GRIN2A: variants seen among roughly 807,000 people sequenced by gnomAD.
GRIN2A encodes the protein glutamate receptor ionotropic, NMDA 2A.
GRIN2A carries 22 observed loss-of-function variants against 113.4 expected under a neutral mutation model. That is an observed-to-expected ratio of 0.19 (90% CI 0.14 to 0.28). The LOEUF is 0.28. Ranked by LOEUF, GRIN2A falls within the 10% of genes least tolerant of loss-of-function variation. The pLI is 1.00. For missense variants in GRIN2A, 1,502 were observed against 1,887.0 expected (o/e 0.80, Z 3.78); for synonymous variants, 827 against 738.4 (o/e 1.12, Z -1.94).
At chr16:9,955,880 A>G (rs2141686736) in intron 2 of GRIN2A, among the ~76,000 whole-genome samples, 1 of 152,332 alleles carries the variant, frequency 6.6e-6, no homozygotes, top group African/African-American at 2.4e-5. Context: ...TCAACAAACC[A>G]GGAAACCCAT....
chr16:9,887,450 C>T (rs1018680287), intron 4 of GRIN2A, among the ~76,000 whole-genome samples: 7 of 152,128 alleles, frequency 4.6e-5, no homozygotes, highest in South Asian at 4.1e-4. Flanking sequence ...CATGTCTTCA[C>T]GTAATATAAT....
intron 2 of GRIN2A, among the ~76,000 whole-genome samples, chr16:10,043,804 T>C (rs992245300): frequency 6.6e-6 from 1 of 152,000 alleles, no homozygotes; most frequent in South Asian, 2.1e-4. Context: ...TGAGCCTAGA[T>C]ATTACAGCAT....
chr16:9,912,914 C>T (rs145298641), intron 3 of GRIN2A, among the ~76,000 whole-genome samples: 4 of 152,298 alleles, frequency 2.6e-5, no homozygotes, highest in African/African-American at 9.6e-5. Flanking sequence ...TTCAGCTGGA[C>T]CCAAATAGTC....
intron 2 of GRIN2A, among the ~76,000 whole-genome samples, chr16:10,127,973 T>C (rs1596534744): frequency 6.6e-6 from 1 of 152,232 alleles, no homozygotes; most frequent in East Asian, 1.9e-4. Context: ...TAGAATCACA[T>C]AGCATGAGCT....
At chr16:9,844,618 G>A (rs2042740061) in intron 5 of GRIN2A, among the ~76,000 whole-genome samples, 2 of 152,152 alleles carry the variant, frequency 1.3e-5, no homozygotes, top group Admixed American at 1.3e-4. Context: ...CAGTTTACCA[G>A]CTCTACAATT....
At chr16:9,997,815 G>A (rs577644235) in intron 2 of GRIN2A, among the ~76,000 whole-genome samples, 82 of 152,218 alleles carry the variant, frequency 5.4e-4, no homozygotes, top group Admixed American at 7.2e-4. Flanking sequence ...TTTTATAAAG[G>A]GCAGTTCCCT....
At chr16:10,015,825 C>A (rs1180324832) in intron 2 of GRIN2A, among the ~76,000 whole-genome samples, 1 of 152,100 alleles carries the variant, frequency 6.6e-6, no homozygotes, top group Non-Finnish European at 1.5e-5. Context: ...CCACACAGAA[C>A]CTCATTAAAC....
chr16:9,799,555 G>C (rs1321102697), intron 10 of GRIN2A, among the ~76,000 whole-genome samples: 1 of 152,218 alleles, frequency 6.6e-6, no homozygotes, highest in Non-Finnish European at 1.5e-5. Flanking sequence ...TGCCAAAGCA[G>C]CCATAGAGAA....
At chr16:9,922,331 T>C (rs1048822250) in intron 3 of GRIN2A, among the ~76,000 whole-genome samples, 8 of 150,836 alleles carry the variant, frequency 5.3e-5, no homozygotes, top group Non-Finnish European at 1.0e-4. Context: ...AAAAGGAGAA[T>C]CAGAAAAGTT....
chr16:10,058,206 G>C (rs1182624053), intron 2 of GRIN2A, among the ~76,000 whole-genome samples: 1 of 151,914 alleles, frequency 6.6e-6, no homozygotes, highest in African/African-American at 2.4e-5. Flanking sequence ...AGTGAGCCAT[G>C]ATCAAGCCTT....
intron 3 of GRIN2A, among the ~76,000 whole-genome samples, chr16:9,927,973 G>C (rs1025639962): frequency 6.6e-6 from 1 of 152,208 alleles, no homozygotes; most frequent in African/African-American, 2.4e-5. Context: ...AGCTGACTGT[G>C]GGGATTTGGA....
chr16:9,798,486 G>T (rs1405394915), intron 10 of GRIN2A, 22 bp from the exon 11 acceptor site: 2 of 1,607,276 alleles, frequency 1.2e-6, no homozygotes, highest in African/African-American at 1.3e-5. Flanking sequence ...AGAAACCAGG[G>T]GGTCATAGGG....
At chr16:10,155,437 C>G (rs1375527432) in intron 2 of GRIN2A, among the ~76,000 whole-genome samples, 2 of 152,212 alleles carry the variant, frequency 1.3e-5, no homozygotes, top group African/African-American at 4.8e-5. Context: ...GTCCCTGAGC[C>G]TCTCTGAGCC....
chr16:9,766,409 G>A (rs184703324), intron 12 of GRIN2A, among the ~76,000 whole-genome samples: 32 of 152,274 alleles, frequency 2.1e-4, no homozygotes, highest in Middle Eastern at 3.4e-3. Flanking sequence ...TCAAGGAACC[G>A]TAAACACAAA....
chr16:10,008,089 C>T (rs2046436734), intron 2 of GRIN2A, among the ~76,000 whole-genome samples: 1 of 152,068 alleles, frequency 6.6e-6, no homozygotes, highest in African/African-American at 2.4e-5. Context: ...TGAACTTGAA[C>T]ATCTTGGGGG....
intron 3 of GRIN2A, among the ~76,000 whole-genome samples, chr16:9,936,526 C>T (rs2044717162): frequency 6.6e-6 from 1 of 152,152 alleles, no homozygotes. Context: ...AATCAGTGAA[C>T]ATCAGGCAAA....
At chr16:9,858,705 T>C (rs2141391186) in intron 4 of GRIN2A, among the ~76,000 whole-genome samples, 1 of 152,336 alleles carries the variant, frequency 6.6e-6, no homozygotes, top group East Asian at 1.9e-4. Context: ...AAGATTTTTT[T>C]TAAAGGGCAG....
intron 2 of GRIN2A, among the ~76,000 whole-genome samples, chr16:10,083,637 T>C (rs571228853): frequency 4.6e-5 from 7 of 152,326 alleles, no homozygotes; most frequent in African/African-American, 1.7e-4. Flanking sequence ...TGTTCTTTTC[T>C]GCACCTCACC....
intron 11 of GRIN2A, among the ~76,000 whole-genome samples, chr16:9,770,865 G>A (rs531236563): frequency 3.4e-4 from 52 of 152,148 alleles, no homozygotes; most frequent in African/African-American, 9.9e-4. Flanking sequence ...ACCTCTCCCC[G>A]CTCCCTTCGG....
Sources: allele counts gnomAD v4.1 joint callset (sites outside exome capture counted in the v4.1 genomes callset), GRCh38; gene constraint gnomAD v4.1.1; transcripts MANE v1.5; gene names NCBI Gene and HGNC (gene_info 2026-07-23, HGNC 2026-07-21).